MRM1: variants seen among roughly 807,000 people sequenced by gnomAD.
The protein encoded by MRM1 is mitochondrial rRNA methyltransferase 1, also known as rRNA methyltransferase 1, mitochondrial.
A neutral mutation model predicts 25.0 loss-of-function variants in MRM1; 24 were observed. That is an observed-to-expected ratio of 0.96 (90% CI 0.69 to 1.35). The LOEUF is 1.35. Ranked by LOEUF, MRM1 falls within the 40% of genes most tolerant of loss-of-function variation. The probability of loss-of-function intolerance (pLI) is 0.00; values close to 1 mark genes in which losing one functional copy is unlikely to be tolerated. For synonymous variants in MRM1, 188 were observed against 199.2 expected (o/e 0.94, Z 0.47); for missense variants, 431 against 464.1 (o/e 0.93, Z 0.65).
chr17:36,606,461 C>G (rs1392968408), intron 2 of MRM1, among the ~76,000 whole-genome samples: 1 of 148,156 alleles, frequency 6.7e-6, no homozygotes, highest in East Asian at 2.0e-4. Flanking sequence ...GTCACCCAAG[C>G]AGGAGTGCAG....
At chr17:36,605,050 G>C (rs1336951444) in intron 2 of MRM1, among the ~76,000 whole-genome samples, 4 of 151,884 alleles carry the variant, frequency 2.6e-5, no homozygotes, top group Non-Finnish European at 4.4e-5. Context: ...TGAGGCAGAA[G>C]AGTTGCTTGA....
At chr17:36,619,647 G>A in the MRM1 span, among the ~76,000 whole-genome samples, 7 of 151,282 alleles carry the variant, frequency 4.6e-5, no homozygotes, top group East Asian at 1.9e-4. Flanking sequence ...TAGCCTGGGC[G>A]ACAGAGTGAG....
chr17:36,615,324 A>G, the MRM1 span, among the ~76,000 whole-genome samples: 8 of 152,134 alleles, frequency 5.3e-5, no homozygotes, highest in Non-Finnish European at 2.9e-5. Flanking sequence ...GGGAGATTCC[A>G]TGAGAAGCAG....
the MRM1 span, among the ~76,000 whole-genome samples, chr17:36,633,047 C>A: frequency 6.6e-6 from 1 of 152,212 alleles, no homozygotes; most frequent in Admixed American, 6.5e-5. Context: ...GAGTAGGAGG[C>A]TGAATTATTT....
the MRM1 span, among the ~76,000 whole-genome samples, chr17:36,617,393 C>CTT: frequency 5.1e-5 from 7 of 137,622 alleles, no homozygotes; most frequent in Non-Finnish European, 7.8e-5. Context: ...TCCTTTCCGT[C>CTT]TTTTTTTTTT....
At chr17:36,611,156 G>C (rs1183560204), downstream of MRM1, among the ~76,000 whole-genome samples, 7 of 152,218 alleles carry the variant, frequency 4.6e-5, no homozygotes, top group Non-Finnish European at 8.8e-5. Flanking sequence ...TGTGTGACCA[G>C]GTTCAAGAAT....
At chr17:36,622,321 C>T in the MRM1 span, among the ~76,000 whole-genome samples, 1 of 152,124 alleles carries the variant, frequency 6.6e-6, no homozygotes, top group Non-Finnish European at 1.5e-5. Context: ...CCTGTAATCC[C>T]AGTACTTTGG....
At chr17:36,614,893 G>T in the MRM1 span, among the ~76,000 whole-genome samples, 3 of 152,198 alleles carry the variant, frequency 2.0e-5, no homozygotes, top group Non-Finnish European at 4.4e-5. Flanking sequence ...TAGCCCATTG[G>T]GGGTGGGTGG....
At chr17:36,614,189 T>C in the MRM1 span, among the ~76,000 whole-genome samples, 1 of 151,994 alleles carries the variant, frequency 6.6e-6, no homozygotes, top group African/African-American at 2.4e-5. Flanking sequence ...GAAGGGCAAG[T>C]CCCAGCTCAT....
At chr17:36,629,661 C>T in the MRM1 span, among the ~76,000 whole-genome samples, 4 of 108,986 alleles carry the variant, frequency 3.7e-5, no homozygotes, top group East Asian at 3.2e-4. Context: ...ATTCTTGGGT[C>T]GGGGCTGAAA....
chr17:36,634,442 G>A, the MRM1 span: 1 of 152,218 alleles, frequency 6.6e-6, no homozygotes. Flanking sequence ...TTCCCCCTGT[G>A]CTGGTGCAGA....
intron 2 of MRM1, among the ~76,000 whole-genome samples, chr17:36,604,124 C>T (rs570242058): frequency 6.6e-6 from 1 of 152,348 alleles, no homozygotes; most frequent in South Asian, 2.1e-4. Flanking sequence ...AGAGACACTG[C>T]TGTAGCAATT....
chr17:36,625,010 TTGAGTCAGG>T, the MRM1 span, among the ~76,000 whole-genome samples: 1 of 152,168 alleles, frequency 6.6e-6, no homozygotes, highest in African/African-American at 2.4e-5. Flanking sequence ...CCAAAGCTGC[TTGAGTCAGG>T]GAACCCACCT....
the MRM1 span, among the ~76,000 whole-genome samples, chr17:36,622,016 G>A: frequency 7.2e-5 from 11 of 152,250 alleles, no homozygotes; most frequent in South Asian, 4.2e-4. Flanking sequence ...GTGTGTTTGC[G>A]TGACTGCAGG....
the MRM1 span, among the ~76,000 whole-genome samples, chr17:36,632,274 A>G: frequency 6.6e-6 from 1 of 152,122 alleles, no homozygotes; most frequent in Admixed American, 6.5e-5. Context: ...GGAGCCAGGC[A>G]GGGTGCAGCT....
Position 36,603,023 on chromosome 17 carries a change from G to A in MRM1, c.636+377G>A, listed in dbSNP as rs72818395. The A allele has an allele frequency of 9.9e-3, 9,781 of 985,054 alleles. 64 individuals carry two copies. The highest frequency in any genetic ancestry group is 0.011 in the Non-Finnish European group (9,339 of 829,920). 61.0% of individuals were successfully genotyped at this position (985,054 alleles called of 1,614,324 possible). ...TAGGGCACAGCTTGAAAGGATGTTT[G>A]AACAAGAAGATCTTTATGCCATTAG... On this transcript the variant is annotated intron_variant, in intron 2 of 4. Coordinates refer to ENST00000614766, the MANE Select transcript of MRM1 (RefSeq NM_024864.5).
chr17:36,628,895 T>G, the MRM1 span, among the ~76,000 whole-genome samples: 28,596 of 151,940 alleles, frequency 0.19, 3,589 homozygotes, highest in African/African-American at 0.33. Flanking sequence ...AGTGGTCTTT[T>G]GACTCCATCA....
the MRM1 span, among the ~76,000 whole-genome samples, chr17:36,618,205 A>G: frequency 6.6e-6 from 1 of 152,050 alleles, no homozygotes; most frequent in African/African-American, 2.4e-5. Context: ...CAGACACCAC[A>G]ATGATGAAAT....
chr17:36,624,649 G>A, the MRM1 span, among the ~76,000 whole-genome samples: 1 of 152,172 alleles, frequency 6.6e-6, no homozygotes, highest in African/African-American at 2.4e-5. This position sits in a 1 kb window ranked among gnomAD's most constrained non-coding sequence, Gnocchi z 4.0. Context: ...GAGATGAGGG[G>A]TGTGGCTTCT....
Sources: gnomAD v4.1 joint callset for allele counts (sites outside exome capture counted in the v4.1 genomes callset) on GRCh38, gnomAD v4.1.1 for gene constraint, Gnocchi (gnomAD v3.1) non-coding constraint, MANE v1.5 for transcripts, NCBI Gene and HGNC (gene_info 2026-07-23, HGNC 2026-07-21) for gene names.